The following BNC2 variants were observed in gnomAD, a reference collection of about 807,000 sequenced individuals.
BNC2 encodes the protein basonuclin zinc finger protein 2.
In BNC2, 20 loss-of-function variants were observed where a neutral mutation model predicts 76.3. The observed-to-expected ratio is 0.26, with a 90% CI of 0.18 to 0.38. The LOEUF (loss-of-function observed/expected upper bound fraction) is 0.38, where lower values mean the gene tolerates loss of function less well. Ranked by LOEUF, BNC2 falls within the 10% of genes least tolerant of loss-of-function variation. BNC2 has a pLI of 1.00. For synonymous variants in BNC2, 582 were observed against 514.8 expected (o/e 1.13, Z -1.77); for missense variants, 1,382 against 1,399.8 (o/e 0.99, Z 0.20).
intron 5 of BNC2, among the ~76,000 whole-genome samples, chr9:16,485,112 A>C (rs898891285): frequency 2.8e-5 from 2 of 70,302 alleles, no homozygotes; most frequent in African/African-American, 3.5e-4. Context: ...ACACACACAG[A>C]CACACACACA....
At chr9:16,767,963 C>CA (rs1825740160) in intron 1 of BNC2, among the ~76,000 whole-genome samples, 1 of 142,892 alleles carries the variant, frequency 7.0e-6, no homozygotes, top group African/African-American at 2.8e-5. Context: ...GCAGGTTATG[C>CA]AATTTTTTTT....
chr9:16,542,452 C>A (rs768505405), intron 5 of BNC2, among the ~76,000 whole-genome samples: 3 of 152,068 alleles, frequency 2.0e-5, no homozygotes, highest in African/African-American at 4.8e-5. Flanking sequence ...CAGTTGCCAC[C>A]AACAAATGAA....
At position 16,618,257 on chromosome 9, in the gene BNC2, T is replaced by A. The variant is rs146655938; in HGVS notation, c.331-35172A>T. 2.0e-5 allele frequency among the ~76,000 whole-genome samples: 3 copies of A among 152,244 alleles called. No homozygotes were observed. In the East Asian group the frequency reaches 5.8e-4, roughly 29 times the overall value. On this transcript the variant is annotated intron_variant, in intron 3 of 6. Transcript: ENST00000380672. ...GAGCTGGGTTATCCCTGAAAAAAAA[T>A]GTTCAGGTTGCATTTAACACCTCTT... is the stretch of plus-strand genomic sequence containing the variant.
chr9:16,561,238 C>CA (rs113187232), intron 4 of BNC2, among the ~76,000 whole-genome samples: 9,400 of 120,512 alleles, frequency 0.078, 933 homozygotes, highest in African/African-American at 0.24. Context: ...AACTCCGCCT[C>CA]AAAAAAAAAA....
rs1822981607 is a variant in BNC2 at position 16,686,445 on chromosome 9, C to A, written c.330+41352G>T. On this transcript the variant is annotated intron_variant, in intron 3 of 6. Coordinates refer to ENST00000380672, the MANE Select transcript of BNC2 (RefSeq NM_017637.6). ...AGATTCCACCTAAACATGTTTTCTG[C>A]TTTTTAAAAATTTCTAATTGTTCCT... 2.0e-5 allele frequency among the ~76,000 whole-genome samples: 3 copies of A among 152,066 alleles called. No homozygotes were observed. The South Asian group carries it at 6.2e-4, about 31-fold the overall frequency.
intron 3 of BNC2, among the ~76,000 whole-genome samples, chr9:16,593,463 T>C (rs547266151): frequency 1.3e-5 from 2 of 152,214 alleles, no homozygotes; most frequent in East Asian, 1.9e-4. Context: ...AACAGCGGGA[T>C]ATAGCCAATT....
intron 1 of BNC2, among the ~76,000 whole-genome samples, chr9:16,813,382 C>T (rs1198069312): frequency 6.6e-6 from 1 of 151,608 alleles, no homozygotes; most frequent in Non-Finnish European, 1.5e-5. Context: ...TCTCCTGCCT[C>T]AGCCTCCCGA....
chr9:16,737,703 TAG>T (rs1242491529), intron 2 of BNC2, among the ~76,000 whole-genome samples: 1 of 152,116 alleles, frequency 6.6e-6, no homozygotes, highest in African/African-American at 2.4e-5. Context: ...TTCATGAACT[TAG>T]AGATTGTTTT....
At chr9:16,861,510 A>G (rs62541879) in intron 1 of BNC2, among the ~76,000 whole-genome samples, 16,454 of 152,142 alleles carry the variant, frequency 0.11, 1,163 homozygotes, top group Non-Finnish European at 0.16. Context: ...AAAATGGCCA[A>G]TGGAGACATG....
At chr9:16,728,125 G>A in intron 2 of BNC2, 128 bp from the exon 3 acceptor site, 4 of 766,320 alleles carry the variant, frequency 5.2e-6, no homozygotes, top group East Asian at 2.7e-5. Context: ...GAGGGGGTCA[G>A]AGCTTCTTTC....
chr9:16,859,253 G>A (rs182884777), intron 1 of BNC2, among the ~76,000 whole-genome samples: 10 of 152,066 alleles, frequency 6.6e-5, no homozygotes, highest in African/African-American at 2.4e-4. Context: ...ACTGTTGGCA[G>A]GAATGTAAAC....
intron 1 of BNC2, among the ~76,000 whole-genome samples, chr9:16,846,435 T>A (rs540521723): frequency 1.2e-4 from 18 of 152,328 alleles, no homozygotes; most frequent in South Asian, 6.2e-4. Context: ...TGTGGTATAT[T>A]CTTTCCCAAG....
chr9:16,554,591 T>C (rs367575764), intron 4 of BNC2, among the ~76,000 whole-genome samples: 14 of 152,272 alleles, frequency 9.2e-5, no homozygotes, highest in African/African-American at 2.9e-4. Context: ...AGCCTAGGGA[T>C]TGAAGTTTTC....
intron 1 of BNC2, among the ~76,000 whole-genome samples, chr9:16,866,303 A>G (rs1376594724): frequency 6.6e-6 from 1 of 152,140 alleles, no homozygotes; most frequent in African/African-American, 2.4e-5. Flanking sequence ...TTATAACAGG[A>G]AGCATTTATT....
chr9:16,471,034 T>C (rs950531754), intron 5 of BNC2, among the ~76,000 whole-genome samples: 3 of 151,504 alleles, frequency 2.0e-5, no homozygotes, highest in Non-Finnish European at 4.4e-5. Flanking sequence ...GGGAGGGAGG[T>C]TGTCCCCTGC....
chr9:16,740,768 A>G (rs1824823970), intron 1 of BNC2, among the ~76,000 whole-genome samples: 1 of 152,204 alleles, frequency 6.6e-6, no homozygotes, highest in African/African-American at 2.4e-5. Context: ...TTGAAGATCT[A>G]AGCCAGAGGG....
chr9:16,716,026 C>T, intron 3 of BNC2, among the ~76,000 whole-genome samples: 1 of 152,150 alleles, frequency 6.6e-6, no homozygotes, highest in East Asian at 1.9e-4. Flanking sequence ...GAACTGATGA[C>T]CCAGCCTTAC....
At chr9:16,856,523 C>T (rs975447768) in intron 1 of BNC2, among the ~76,000 whole-genome samples, 2 of 152,154 alleles carry the variant, frequency 1.3e-5, no homozygotes, top group African/African-American at 4.8e-5. Context: ...ATTCTCCTGC[C>T]TCAGCCTCCC....
At chr9:16,556,073 G>T (rs567269614) in intron 4 of BNC2, among the ~76,000 whole-genome samples, 249 of 152,196 alleles carry the variant, frequency 1.6e-3, no homozygotes, top group Non-Finnish European at 2.6e-3. Context: ...GCCAAGGCAG[G>T]AGAATTGCTT....
Sources: gnomAD v4.1 joint callset for allele counts (sites outside exome capture counted in the v4.1 genomes callset) on GRCh38, gnomAD v4.1.1 for gene constraint, MANE v1.5 for transcripts, NCBI Gene and HGNC (gene_info 2026-07-23, HGNC 2026-07-21) for gene names.